The following MRPS35 variants were observed in gnomAD, a reference collection of about 807,000 sequenced individuals.
The protein encoded by MRPS35 is small ribosomal subunit protein mS35.
A neutral mutation model predicts 32.7 loss-of-function variants in MRPS35; 29 were observed. That is an observed-to-expected ratio of 0.89 (90% CI 0.66 to 1.21). The LOEUF (loss-of-function observed/expected upper bound fraction) is 1.21, where lower values mean the gene tolerates loss of function less well. Ranked by LOEUF, MRPS35 falls within the 50% of genes most tolerant of loss-of-function variation. MRPS35 has a pLI of 0.00. For synonymous variants in MRPS35, 148 were observed against 139.3 expected, an observed-to-expected ratio of 1.06 and a Z score of -0.44; for missense variants, 373 against 383.8, an observed-to-expected ratio of 0.97 and a Z score of 0.23.
At position 27,756,281 on chromosome 12, in the gene MRPS35, G is replaced by A. The variant is rs532964837; in HGVS notation, c.*831G>A. The A allele has an allele frequency of 1.3e-5, 2 of 152,314 alleles. No individual in the cohort carries two copies. The highest frequency in any genetic ancestry group is 4.8e-5 in the African/African-American group (2 of 41,572). 9.4% of individuals were successfully genotyped at this position (152,314 alleles called of 1,614,324 possible). On this transcript the variant is annotated 3_prime_UTR_variant, in exon 8 of 8. Coordinates refer to ENST00000081029, the MANE Select transcript of MRPS35 (RefSeq NM_021821.4). ...TGATTAATTTAAAATCAAAATAAAG[G>A]AATTACTGAGTTTATTTGCCTAATA...
intron 5 of MRPS35, among the ~76,000 whole-genome samples, chr12:27,733,534 A>G (rs2061930913): frequency 2.6e-5 from 4 of 152,206 alleles, no homozygotes; most frequent in Non-Finnish European, 5.9e-5. Context: ...AAATCACAAC[A>G]TTCTCACTAT....
At chr12:27,745,386 A>G (rs561826272) in intron 7 of MRPS35, among the ~76,000 whole-genome samples, 109 of 152,314 alleles carry the variant, frequency 7.2e-4, no homozygotes, top group Middle Eastern at 6.8e-3. Context: ...TTTCCATGCT[A>G]TCATATTATT....
chr12:27,738,320 A>G (rs2061950368), intron 7 of MRPS35, among the ~76,000 whole-genome samples: 1 of 152,218 alleles, frequency 6.6e-6, no homozygotes, highest in Admixed American at 6.5e-5. Context: ...ACCGTGCTCC[A>G]TCACATGAGA....
chr12:27,728,217 T>C (rs79222619), intron 5 of MRPS35, among the ~76,000 whole-genome samples: 9,466 of 152,120 alleles, frequency 0.062, 1,017 homozygotes, highest in African/African-American at 0.22. Flanking sequence ...GACATCCTTG[T>C]CAAAAGTCAT....
chr12:27,724,469 AT>A (rs2061891615), intron 5 of MRPS35, among the ~76,000 whole-genome samples: 4 of 152,326 alleles, frequency 2.6e-5, no homozygotes, highest in Middle Eastern at 3.4e-3. Flanking sequence ...TACACCAGGC[AT>A]GGTGGCTCCT....
Position 27,733,038 on chromosome 12 carries a change from A to ATC in MRPS35, c.523-2408_523-2407insCT, listed in dbSNP as rs1565468137. Among the ~76,000 whole-genome samples the ATC allele has an allele frequency of 2.6e-4, 20 of 76,124 alleles. 1 individual carries two copies. Among genetic ancestry groups the ATC allele is most frequent in the East Asian group, 2.2e-3 (5 of 2,276 alleles). 49.9% of individuals were successfully genotyped at this position (76,124 alleles called of 152,430 possible). On this transcript the variant is annotated intron_variant, in intron 5 of 7. Transcript: ENST00000081029. The stretch of plus-strand genomic sequence containing the variant: ...TATATATATATATATATATATATAT[A>ATC]TATCCAGCACCTCCTGTGATTTGAA...
intron 7 of MRPS35, among the ~76,000 whole-genome samples, chr12:27,749,684 G>A (rs181423485): frequency 6.6e-6 from 1 of 152,250 alleles, no homozygotes; most frequent in Admixed American, 6.5e-5. Context: ...CTTGGCATAG[G>A]TACATAGGTT....
intron 2 of MRPS35, among the ~76,000 whole-genome samples, chr12:27,716,042 G>A (rs1018920452): frequency 6.6e-6 from 1 of 152,166 alleles, no homozygotes; most frequent in Admixed American, 6.5e-5. Context: ...AATTTTTAGT[G>A]AAGAAAATGT....
Position 27,724,184 on chromosome 12 carries a change from A to G in MRPS35, c.520A>G (p.Arg174Gly), listed in dbSNP as rs2061889971. The G allele has an allele frequency of 3.9e-6, 6 of 1,553,408 alleles. No homozygotes were observed. The highest frequency in any genetic ancestry group is 5.2e-6 in the Non-Finnish European group (6 of 1,156,570). ...CCCCAGAGCACGAGTAGTAGTCTTA[A>G]GAGTAAGAGTTTTTTTCATTTTTTT... ...RNPRARVVVLRVKLSSLNLDD... is the reference protein window; with the variant it reads ...RNPRARVVVLGVKLSSLNLDD... The change falls in exon 5 of 8, where the codon AGA (arginine) becomes GGA (glycine). Residue 174 changes from arginine (R) to glycine (G), a missense_variant and splice_region_variant. Arg to Gly is a moderately radical substitution (Grantham distance 125). Transcript: ENST00000081029.
intron 7 of MRPS35, among the ~76,000 whole-genome samples, chr12:27,741,821 G>A (rs2061965466): frequency 6.6e-6 from 1 of 152,174 alleles, no homozygotes; most frequent in Non-Finnish European, 1.5e-5. Flanking sequence ...AAATTTCAGA[G>A]ATTCATGGGT....
chr12:27,755,665 G>T lies in MRPS35; in HGVS notation c.*215G>T. 2.9e-6 allele frequency: 1 copy of T among 350,314 alleles called. No individual in the cohort carries two copies. Among genetic ancestry groups the T allele is most frequent in the South Asian group, 9.2e-5 (1 of 10,906 alleles). 21.7% of individuals were successfully genotyped at this position (350,314 alleles called of 1,614,324 possible). ...ACTAGGAGGTCTCTGATTTCTTCTT[G>T]GTCTAAAGTGTTTTGATTTTATTTC... On this transcript the variant is annotated 3_prime_UTR_variant, in exon 8 of 8. Coordinates refer to ENST00000081029, the MANE Select transcript of MRPS35 (RefSeq NM_021821.4).
intron 5 of MRPS35, among the ~76,000 whole-genome samples, chr12:27,734,488 G>A (rs938303200): frequency 2.0e-5 from 3 of 152,028 alleles, no homozygotes; most frequent in Admixed American, 6.5e-5. Context: ...TGATCCGCCC[G>A]CCTCGGCCTC....
At chr12:27,744,047 C>G (rs1475688426) in intron 7 of MRPS35, among the ~76,000 whole-genome samples, 2 of 152,212 alleles carry the variant, frequency 1.3e-5, no homozygotes, top group Non-Finnish European at 2.9e-5. Flanking sequence ...TCTTTCAAGA[C>G]TTCGACCTGC....
chr12:27,753,009 A>G (rs1408768428), intron 7 of MRPS35: 1 of 152,232 alleles, frequency 6.6e-6, no homozygotes, highest in Non-Finnish European at 1.5e-5. Flanking sequence ...TAAAATAAAA[A>G]GAAGTTGTTT....
rs2062025503 is a variant in MRPS35 at position 27,756,125 on chromosome 12, T to C, written c.*675T>C. The C allele has an allele frequency of 6.6e-6, 1 of 152,184 alleles. No individual in the cohort carries two copies. Among genetic ancestry groups the C allele is most frequent in the African/African-American group, 2.4e-5 (1 of 41,460 alleles). The allele number at this position is 152,184 out of a possible 1,614,324, so 9.4% of individuals were successfully genotyped here. ...CACAGCTCAGGAAAAAGATGAGGCA[T>C]AACGACCTTGAATGTAATTGGAGTA... On this transcript the variant is annotated 3_prime_UTR_variant, in exon 8 of 8. Transcript: ENST00000081029.
chr12:27,734,242 C>CTTTT (rs34818669), intron 5 of MRPS35, among the ~76,000 whole-genome samples: 1 of 135,542 alleles, frequency 7.4e-6, no homozygotes, highest in Non-Finnish European at 1.6e-5. Flanking sequence ...AACCTATCTT[C>CTTTT]TTTTTTTTTT....
intron 7 of MRPS35, among the ~76,000 whole-genome samples, chr12:27,751,102 C>CAAAAAAAAAAAAAA (rs71438703): frequency 1.0e-4 from 4 of 38,130 alleles, no homozygotes; most frequent in African/African-American, 2.3e-4. Flanking sequence ...GACTCCATCT[C>CAAAAAAAAAAAAAA]AAAAAAAAAA....
At chr12:27,711,068 C>A in intron 1 of MRPS35, 113 bp downstream of exon 1, 2 of 907,748 alleles carry the variant, frequency 2.2e-6, no homozygotes, top group South Asian at 1.5e-5. Context: ...GAGGCCAGTG[C>A]GTCCGCTGCC....
In MRPS35 at chr12:27,730,425, A is replaced by G. The variant is rs117701878; in HGVS notation, c.523-5022A>G. On this transcript the variant is annotated intron_variant, in intron 5 of 7. Transcript: ENST00000081029. ...GTGCCATTCTCATCACATCATATCG[A>G]GAGTATAGGCTATTAAGATGATTTG... Among the ~76,000 whole-genome samples, 508 of 152,224 alleles carry G rather than the reference A, an allele frequency of 3.3e-3. 6 individuals carry two copies. The highest frequency in any genetic ancestry group is 1.1e-3 in the Non-Finnish European group (78 of 68,018).
Sources: allele counts gnomAD v4.1 joint callset (sites outside exome capture counted in the v4.1 genomes callset), GRCh38; gene constraint gnomAD v4.1.1; transcripts MANE v1.5; gene names NCBI Gene and HGNC (gene_info 2026-07-23, HGNC 2026-07-21).